Variants in SHLD2 observed in about 807,000 individuals in gnomAD.
The protein encoded by SHLD2 is shieldin complex subunit 2.
SHLD2 carries 30 observed loss-of-function variants against 73.2 expected under a neutral mutation model. The observed-to-expected ratio is 0.41, with a 90% confidence interval of 0.31 to 0.56. The LOEUF (loss-of-function observed/expected upper bound fraction) is 0.56, where lower values mean the gene tolerates loss of function less well. Among genes scored for constraint, SHLD2 ranks in the 20% least tolerant of loss-of-function variants. The pLI, the probability that SHLD2 is intolerant of heterozygous loss-of-function variation, is 0.28. For missense variants in SHLD2, 745 were observed against 1,055.9 expected (o/e 0.71, Z 4.08); for synonymous variants, 285 against 370.1 (o/e 0.77, Z 2.64).
In SHLD2 at chr10:87,133,225, T is replaced by G. The variant is rs556215048; in HGVS notation, c.-5-18125T>G. On this transcript the variant is annotated intron_variant, in intron 2 of 9. Transcript: ENST00000298786. ...TTTTTTAGTGTTTTGCTTCTTTTAT[T>G]TTTTTTATTTTGTGAGCCACCGTGC... 4.6e-4 allele frequency among the ~76,000 whole-genome samples: 70 copies of G among 152,274 alleles called. No homozygotes were observed. In the South Asian group the frequency reaches 0.014, roughly 32 times the overall value.
chr10:87,130,602 C>T (rs1049751280), intron 2 of SHLD2, among the ~76,000 whole-genome samples: 4 of 152,042 alleles, frequency 2.6e-5, no homozygotes, highest in Non-Finnish European at 5.9e-5. Flanking sequence ...ATTTAGTGCT[C>T]CCTTCACACC....
Position 87,180,149 on chromosome 10 carries a change from G to A in SHLD2, c.2245G>A (p.Ala749Thr). The A allele has an allele frequency of 6.2e-7, 1 of 1,613,834 alleles. No individual in the cohort carries two copies. Among genetic ancestry groups the A allele is most frequent in the Non-Finnish European group, 8.5e-7 (1 of 1,179,836 alleles). ...AGCATCTCAGAAGATAGCGCTAAAT[G>A]CTCACAGTTCTCTGAAGAGTATTTT... ...ITASQKIALN[A>T]HSSLKSIFSS... is the part of the protein sequence containing the mutation. Residue 749 changes from alanine (A) to threonine (T), a missense_variant, in exon 8 of 10, where the codon GCT (alanine) becomes ACT (threonine). Physicochemically the swap from Ala to Thr is moderately conservative, Grantham distance 58 (BLOSUM62 0). This residue lies in a region of SHLD2 where 418 missense variants were observed against 567.8 expected (regional missense o/e 0.74). Transcript: ENST00000298786.
rs768073132 is a variant in SHLD2 at position 87,158,140 on chromosome 10, A to G, written c.1618A>G (p.Ile540Val). The G allele has an allele frequency of 2.5e-6, 4 of 1,611,070 alleles. No individual in the cohort carries two copies. Among genetic ancestry groups the G allele is most frequent in the Non-Finnish European group, 1.7e-6 (2 of 1,179,360 alleles). The stretch of plus-strand genomic sequence containing the variant: ...ATTAAATCTTGGGAGTTATTCATCT[A>G]TTCAGCCTGAAGAATGTAAGGCACA... ...QLLNLGSYSS[I>V]QPEEYSSVVS... The change falls in exon 4 of 10, where the codon ATT (isoleucine) becomes GTT (valine). Residue 540 changes from isoleucine to valine, a missense_variant. Physicochemically the swap from Ile to Val is conservative, Grantham distance 29. Coordinates refer to ENST00000298786, the MANE Select transcript of SHLD2 (RefSeq NM_001330112.2).
intron 2 of SHLD2, among the ~76,000 whole-genome samples, chr10:87,133,175 A>C (rs936922187): frequency 6.6e-6 from 1 of 152,186 alleles, no homozygotes; most frequent in Admixed American, 6.5e-5. Flanking sequence ...CAATGGAAAA[A>C]AAATAATTTT....
intron 2 of SHLD2, among the ~76,000 whole-genome samples, chr10:87,108,983 C>G (rs544640988): frequency 3.3e-5 from 5 of 152,306 alleles, no homozygotes; most frequent in Admixed American, 2.6e-4. Flanking sequence ...GATGATGTCC[C>G]TGCTACTACT....
chr10:87,153,907 A>G (rs1326682036), intron 3 of SHLD2: 2 of 151,922 alleles, frequency 1.3e-5, no homozygotes, highest in East Asian at 3.8e-4. Context: ...TTTAATTTTT[A>G]ATTTATTTAT....
At chr10:87,178,678 C>T (rs1668126330) in intron 7 of SHLD2, among the ~76,000 whole-genome samples, 1 of 151,958 alleles carries the variant, frequency 6.6e-6, no homozygotes, top group Non-Finnish European at 1.5e-5. Context: ...GATTGCACCA[C>T]TGCACTCTAG....
intron 2 of SHLD2, among the ~76,000 whole-genome samples, chr10:87,111,007 C>T (rs545685814): frequency 1.3e-5 from 2 of 151,820 alleles, no homozygotes; most frequent in South Asian, 4.2e-4. Context: ...CCACGCCTGG[C>T]TAATTTTTGT....
intron 2 of SHLD2, among the ~76,000 whole-genome samples, chr10:87,100,270 T>G (rs969557430): frequency 2.0e-5 from 3 of 152,210 alleles, no homozygotes; most frequent in African/African-American, 7.2e-5. Context: ...CCATTTTGTG[T>G]TACTTTTTCC....
At chr10:87,175,108 C>T (rs1482389580) in intron 6 of SHLD2, among the ~76,000 whole-genome samples, 2 of 104,724 alleles carry the variant, frequency 1.9e-5, no homozygotes, top group Non-Finnish European at 3.7e-5. Context: ...CAGAGCGAGA[C>T]TCCATCTCAA....
chr10:87,174,688 TGCTAAGAA>T (rs1847829768), intron 6 of SHLD2, among the ~76,000 whole-genome samples: 1 of 152,226 alleles, frequency 6.6e-6, no homozygotes, highest in South Asian at 2.1e-4. Context: ...GAAAAATTAG[TGCTAAGAA>T]ACCCTCTTTT....
chr10:87,168,713 A>T (rs944376372), intron 4 of SHLD2, among the ~76,000 whole-genome samples: 13 of 152,208 alleles, frequency 8.5e-5, no homozygotes, highest in African/African-American at 2.9e-4. Context: ...ATTCTCACTT[A>T]TAAGTGGGAG....
intron 8 of SHLD2, among the ~76,000 whole-genome samples, chr10:87,185,974 G>A (rs988395059): frequency 3.7e-4 from 57 of 152,202 alleles, no homozygotes; most frequent in African/African-American, 1.3e-3. Flanking sequence ...ATCCCAAAGC[G>A]CTGGGATTAC....
intron 2 of SHLD2, among the ~76,000 whole-genome samples, chr10:87,149,856 G>A (rs1471630893): frequency 6.6e-6 from 1 of 152,066 alleles, no homozygotes; most frequent in Non-Finnish European, 1.5e-5. Flanking sequence ...AGCCTCCCTA[G>A]TAGCTGGGAC....
chr10:87,144,790 C>A (rs1230512831), intron 2 of SHLD2, among the ~76,000 whole-genome samples: 1 of 149,940 alleles, frequency 6.7e-6, no homozygotes, highest in African/African-American at 2.5e-5. Flanking sequence ...CCACGCCCAG[C>A]TAATTTTTTG....
chr10:87,109,496 G>A (rs577348592), intron 2 of SHLD2, among the ~76,000 whole-genome samples: 142 of 151,976 alleles, frequency 9.3e-4, no homozygotes, highest in African/African-American at 2.9e-3. Flanking sequence ...ACAGTGTTTC[G>A]CCATGTTGGC....
chr10:87,146,609 T>TA (rs989336988), intron 2 of SHLD2, among the ~76,000 whole-genome samples: 4 of 151,938 alleles, frequency 2.6e-5, no homozygotes, highest in Non-Finnish European at 4.4e-5. Flanking sequence ...TTTTTTTTTT[T>TA]TTAAGCTCAT....
rs766176197 is a variant in SHLD2 at position 87,190,675 on chromosome 10, C to A, written c.2707C>A (p.Arg903Ser). The change falls in exon 10 of 10, where the codon CGT (arginine) becomes AGT (serine). Residue 903 changes from arginine to serine, a missense_variant. Transcript: ENST00000298786. ...PDIVKHGANA[R>S]L is the part of the protein sequence containing the mutation. Reference sequence around the variant, plus strand: ...CATTGTAAAGCATGGAGCCAATGCCCGTCTCTGAGGCCAGAGGAAGAAATT... The same window carrying A: ...CATTGTAAAGCATGGAGCCAATGCCAGTCTCTGAGGCCAGAGGAAGAAATT... The A allele has an allele frequency of 1.2e-6, 2 of 1,611,634 alleles. No homozygotes were observed. The highest frequency in any genetic ancestry group is 1.7e-6 in the Non-Finnish European group (2 of 1,179,668).
intron 2 of SHLD2, among the ~76,000 whole-genome samples, chr10:87,122,551 A>G (rs1192451835): frequency 2.0e-5 from 3 of 151,974 alleles, no homozygotes; most frequent in Non-Finnish European, 4.4e-5. Context: ...AATAGAAACT[A>G]AGAACCCAGG....
Sources: allele counts gnomAD v4.1 joint callset (sites outside exome capture counted in the v4.1 genomes callset), GRCh38; gene constraint gnomAD v4.1.1; regional missense constraint gnomAD v4.1.1; transcripts MANE v1.5; gene names NCBI Gene and HGNC (gene_info 2026-07-23, HGNC 2026-07-21).